MBP: variants seen among roughly 807,000 people sequenced by gnomAD.
MBP encodes Golli-MBP.
MBP carries 16 observed loss-of-function variants against 35.8 expected under a neutral mutation model. The observed-to-expected ratio is 0.45, with a 90% CI of 0.30 to 0.68. The LOEUF (loss-of-function observed/expected upper bound fraction) is 0.68. Ranked by LOEUF, MBP falls within the 30% of genes least tolerant of loss-of-function variation. The pLI is 0.08. For synonymous variants in MBP, 143 were observed against 159.6 expected, an observed-to-expected ratio of 0.90 and a Z score of 0.78; for missense variants, 380 against 404.7, an observed-to-expected ratio of 0.94 and a Z score of 0.52.
chr18:77,078,242 C>T (rs1001583760), intron 2 of MBP, among the ~76,000 whole-genome samples: 4 of 152,224 alleles, frequency 2.6e-5, no homozygotes, highest in African/African-American at 9.6e-5. Flanking sequence ...AACACAGCCA[C>T]ATGGCAAACG....
intron 4 of MBP, among the ~76,000 whole-genome samples, chr18:76,994,614 A>G (rs895862376): frequency 1.3e-5 from 2 of 152,236 alleles, no homozygotes; most frequent in Non-Finnish European, 1.5e-5. Context: ...TATATTGATC[A>G]CTACACTGGT....
At chr18:77,058,347 G>A (rs772735522) in intron 3 of MBP, among the ~76,000 whole-genome samples, 12 of 152,296 alleles carry the variant, frequency 7.9e-5, no homozygotes, top group South Asian at 2.1e-4. Context: ...TCCACGCTGC[G>A]GGGAGGCCAA....
At chr18:76,993,938 A>G (rs1407116419) in intron 4 of MBP, among the ~76,000 whole-genome samples, 1 of 151,984 alleles carries the variant, frequency 6.6e-6, no homozygotes, top group Non-Finnish European at 1.5e-5. Flanking sequence ...TCATATTCCA[A>G]CTCATTCTGT....
rs1969739909 is a variant in MBP, at chr18:76,989,029, G to A, written c.682-117C>T. 5 of 920,276 alleles carry A rather than the reference G, an allele frequency of 5.4e-6. No homozygotes were observed. Among genetic ancestry groups the A allele is most frequent in the Non-Finnish European group, 9.1e-6 (5 of 547,676 alleles). 57.0% of individuals were successfully genotyped at this position (920,276 alleles called of 1,614,324 possible). On this transcript the variant is annotated intron_variant, in intron 5 of 8. Coordinates refer to ENST00000355994, the MANE Select transcript of MBP (RefSeq NM_001025101.2). The surrounding 1 kb of genome is among the most constrained non-coding windows in gnomAD (Gnocchi z 4.0). ...ATCCATCAGCTGCCAGAAGCACCCGGGTGCCCAGCCTCCCCACTTCTGTCC... is the reference window on the plus strand; with the variant it reads ...ATCCATCAGCTGCCAGAAGCACCCGAGTGCCCAGCCTCCCCACTTCTGTCC...
intron 4 of MBP, among the ~76,000 whole-genome samples, chr18:76,997,005 C>A (rs1434810480): frequency 6.6e-6 from 1 of 152,178 alleles, no homozygotes; most frequent in Non-Finnish European, 1.5e-5. Flanking sequence ...CCTCTCCTTC[C>A]GCCTCGGGGC....
At position 77,102,265 on chromosome 18, in the gene MBP, G is replaced by A. The variant is rs1976059212; in HGVS notation, c.51+2946C>T. Among the ~76,000 whole-genome samples, 3 of 152,270 alleles carry A rather than the reference G, an allele frequency of 2.0e-5. No individual in the cohort carries two copies. In the South Asian group the frequency reaches 6.2e-4, roughly 32 times the overall value. On this transcript the variant is annotated intron_variant, in intron 2 of 8. Transcript: ENST00000355994. The surrounding 1 kb of genome is among the most constrained non-coding windows in gnomAD (Gnocchi z 4.4). ...AGCTGCCCTCCCTGCTGACAGATCA[G>A]TAACCAGCACCTGAAACTGACAGAA...
chr18:77,095,940 C>CAG (rs1325304682), intron 2 of MBP, among the ~76,000 whole-genome samples: 1 of 152,182 alleles, frequency 6.6e-6, no homozygotes, highest in African/African-American at 2.4e-5. Flanking sequence ...AATTTTACTG[C>CAG]AGAGAGAGAT....
At chr18:77,028,859 C>T (rs1289030950) in intron 3 of MBP, among the ~76,000 whole-genome samples, 549 of 86,158 alleles carry the variant, frequency 6.4e-3, no homozygotes, top group East Asian at 0.013. Context: ...GATGTGATGG[C>T]GGCCGGGCAG....
chr18:77,065,128 T>C (rs1340808451), intron 3 of MBP, among the ~76,000 whole-genome samples: 2 of 152,154 alleles, frequency 1.3e-5, no homozygotes, highest in Non-Finnish European at 2.9e-5. Flanking sequence ...ATGCTAAGAT[T>C]ATATCTTGGT....
chr18:76,994,268 G>A (rs1185485685), intron 4 of MBP, among the ~76,000 whole-genome samples: 1 of 152,228 alleles, frequency 6.6e-6, no homozygotes, highest in Non-Finnish European at 1.5e-5. Context: ...CCGCCTCGGT[G>A]TTTGGATAGC....
Position 76,988,653 on chromosome 18 carries a change from C to G in MBP, c.718-126G>C. The G allele has an allele frequency of 6.7e-7, 1 of 1,495,646 alleles. No homozygotes were observed. The highest frequency in any genetic ancestry group is 8.9e-7 in the Non-Finnish European group (1 of 1,122,634). 92.6% of individuals were successfully genotyped at this position (1,495,646 alleles called of 1,614,324 possible). ...GTAAAAACAGGTTCCACCCGGAGCT[C>G]CGAGGGGGGCCGCAGGCTCAGGGCC... On this transcript the variant is annotated intron_variant, in intron 6 of 8. Transcript: ENST00000355994. The surrounding 1 kb of genome is among the most constrained non-coding windows in gnomAD (Gnocchi z 5.2).
intron 1 of MBP, among the ~76,000 whole-genome samples, chr18:77,125,938 C>T (rs1366322868): frequency 6.6e-6 from 1 of 150,494 alleles, no homozygotes; most frequent in Non-Finnish European, 1.5e-5. Flanking sequence ...GAAGGAAATA[C>T]CCAAGAAAGA....
In MBP at chr18:77,047,366, A is replaced by G. The variant is rs192038087; in HGVS notation, c.139+18932T>C. On this transcript the variant is annotated intron_variant, in intron 3 of 8. Transcript: ENST00000355994. ...GATGAACCTCACCAGCATTGTGTGA[A>G]GTGAAAGAAGCCAGCCATAAAACAC... is the stretch of plus-strand genomic sequence containing the variant. 2.2e-4 allele frequency among the ~76,000 whole-genome samples: 33 copies of G among 152,368 alleles called. No individual in the cohort carries two copies. The East Asian group carries it at 6.4e-3, about 29-fold the overall frequency.
intron 3 of MBP, among the ~76,000 whole-genome samples, chr18:77,061,193 G>A (rs547729967): frequency 4.6e-5 from 7 of 152,206 alleles, no homozygotes; most frequent in Non-Finnish European, 7.3e-5. Flanking sequence ...GGCCCTTACT[G>A]AATTCTATTA....
At chr18:77,052,550 G>A (rs1973532552) in intron 3 of MBP, among the ~76,000 whole-genome samples, 2 of 152,198 alleles carry the variant, frequency 1.3e-5, no homozygotes, top group Non-Finnish European at 1.5e-5. Flanking sequence ...TCTTAGCAGT[G>A]CATTTTTATA....
intron 3 of MBP, among the ~76,000 whole-genome samples, chr18:77,062,719 T>C (rs932800833): frequency 1.3e-5 from 2 of 152,208 alleles, no homozygotes; most frequent in Non-Finnish European, 2.9e-5. Context: ...GTTTGTGGTT[T>C]TGAGCACTCA....
At chr18:77,083,955 G>T (rs1258001258) in intron 2 of MBP, among the ~76,000 whole-genome samples, 1 of 151,924 alleles carries the variant, frequency 6.6e-6, no homozygotes, top group Non-Finnish European at 1.5e-5. Flanking sequence ...AGACTGCATT[G>T]TACACCTTAA....
chr18:77,082,065 G>A (rs1285001037), intron 2 of MBP, among the ~76,000 whole-genome samples: 2 of 151,308 alleles, frequency 1.3e-5, no homozygotes, highest in Non-Finnish European at 3.0e-5. Context: ...TGTTAGCCGG[G>A]ATGGTTTCGA....
In MBP at chr18:77,034,635, C is replaced by G. The variant is rs1034191952; in HGVS notation, c.140-17367G>C. Among the ~76,000 whole-genome samples the G allele has an allele frequency of 2.0e-5, 3 of 152,234 alleles. No homozygotes were observed. In the East Asian group the frequency reaches 5.8e-4, roughly 29 times the overall value. On this transcript the variant is annotated intron_variant, in intron 3 of 8. Coordinates refer to ENST00000355994, the MANE Select transcript of MBP (RefSeq NM_001025101.2). ...CCAGGGCTGCAGGTACACAGGTGGA[C>G]AGAACAGTCCCTGCCCTCATTTTGC...
Sources: gnomAD v4.1 joint callset for allele counts (sites outside exome capture counted in the v4.1 genomes callset) on GRCh38, gnomAD v4.1.1 for gene constraint, Gnocchi (gnomAD v3.1) non-coding constraint, MANE v1.5 for transcripts, NCBI Gene and HGNC (gene_info 2026-07-23, HGNC 2026-07-21) for gene names.